Variants in CNTN4 observed in about 807,000 individuals in gnomAD.
CNTN4 encodes contactin 4, also known as contactin-4.
In CNTN4, 77 loss-of-function variants were observed where a neutral mutation model predicts 122.5. The ratio of observed to expected loss-of-function variants is 0.63; its 90% CI spans 0.52 to 0.76. The LOEUF (loss-of-function observed/expected upper bound fraction) is 0.76, where lower values mean the gene tolerates loss of function less well. CNTN4 is among the 30% of genes least tolerant of loss of function. The pLI is 0.00. For missense variants in CNTN4, 1,256 were observed against 1,259.1 expected, an observed-to-expected ratio of 1.00 and a Z score of 0.04; for synonymous variants, 512 against 447.0, an observed-to-expected ratio of 1.15 and a Z score of -1.83.
At chr3:2,813,284 T>A (rs1054932499) in intron 6 of CNTN4, among the ~76,000 whole-genome samples, 1 of 152,222 alleles carries the variant, frequency 6.6e-6, no homozygotes, top group South Asian at 2.1e-4. Context: ...GATGTTCATC[T>A]CCTTACTGAT....
chr3:2,666,665 A>G (rs909194085), intron 4 of CNTN4, among the ~76,000 whole-genome samples: 1 of 152,088 alleles, frequency 6.6e-6, no homozygotes, highest in Admixed American at 6.6e-5. Context: ...ACATATGTAT[A>G]CATGTGCCAT....
intron 6 of CNTN4, among the ~76,000 whole-genome samples, chr3:2,765,481 G>A (rs1486763601): frequency 1.3e-5 from 2 of 152,196 alleles, no homozygotes; most frequent in African/African-American, 4.8e-5. Context: ...TACCTGGTCT[G>A]TAGTAAAAAG....
intron 3 of CNTN4, among the ~76,000 whole-genome samples, chr3:2,535,490 G>A (rs1260997836): frequency 6.6e-6 from 1 of 152,116 alleles, no homozygotes; most frequent in East Asian, 1.9e-4. Context: ...GAGGTAGGTA[G>A]CTGTTGAGAT....
chr3:2,138,066 C>G (rs1186205782), intron 2 of CNTN4, among the ~76,000 whole-genome samples: 1 of 136,028 alleles, frequency 7.4e-6, no homozygotes, highest in Admixed American at 7.5e-5. Context: ...TCTTCTTCTT[C>G]TTTTTTTTTT....
At chr3:2,547,550 C>CTT (rs2149338086) in intron 3 of CNTN4, among the ~76,000 whole-genome samples, 1 of 152,140 alleles carries the variant, frequency 6.6e-6, no homozygotes, top group East Asian at 1.9e-4. Context: ...CAGGCGTGAG[C>CTT]CATCATGCCT....
intron 4 of CNTN4, among the ~76,000 whole-genome samples, chr3:2,734,648 CTTTT>C (rs71058638): frequency 7.2e-6 from 1 of 139,520 alleles, no homozygotes; most frequent in African/African-American, 2.6e-5. Context: ...GCATGAAGTG[CTTTT>C]TTTTTTTTTT....
At chr3:2,582,720 G>A (rs552366907) in intron 4 of CNTN4, among the ~76,000 whole-genome samples, 34 of 152,250 alleles carry the variant, frequency 2.2e-4, no homozygotes, top group Non-Finnish European at 4.6e-4. Flanking sequence ...ATGCAGGATA[G>A]GCAGTCACTT....
At chr3:2,183,778 T>G (rs926873650) in intron 2 of CNTN4, among the ~76,000 whole-genome samples, 4 of 152,126 alleles carry the variant, frequency 2.6e-5, no homozygotes, top group Admixed American at 2.6e-4. Context: ...TATTTGAGAA[T>G]GATAGTCACA....
At chr3:2,699,479 G>A (rs1320230438) in intron 4 of CNTN4, among the ~76,000 whole-genome samples, 1 of 152,206 alleles carries the variant, frequency 6.6e-6, no homozygotes, top group Non-Finnish European at 1.5e-5. Context: ...TAAAAGTCAG[G>A]TGTAAATTGA....
At chr3:2,214,799 G>A (rs577089150) in intron 2 of CNTN4, among the ~76,000 whole-genome samples, 2 of 152,244 alleles carry the variant, frequency 1.3e-5, no homozygotes, top group Admixed American at 6.5e-5. Context: ...AAATCTCAGT[G>A]AGTATACTCT....
rs1378582270 is a variant in CNTN4 at position 2,736,339 on chromosome 3, C to A, written c.180C>A (p.Ile60=). The A allele has an allele frequency of 6.2e-7, 1 of 1,613,272 alleles. No individual in the cohort carries two copies. Among genetic ancestry groups the A allele is most frequent in the South Asian group, 1.1e-5 (1 of 91,058 alleles). ...TTAAAGGAAATCCAAAACCTCATAT[C>A]AGGTTTGTTGATGTAAAAGCATGTG... is the stretch of plus-strand genomic sequence containing the variant. The part of the protein sequence containing the change: ...CEVKGNPKPH[I]RWKLNGTDVD... The change falls in exon 5 of 25, where the codon ATC becomes ATA. Residue 60 remains isoleucine, a splice_region_variant and synonymous_variant. Coordinates refer to ENST00000418658, the MANE Select transcript of CNTN4 (RefSeq NM_175607.3).
At chr3:3,040,009 T>C (rs758741516) in intron 19 of CNTN4, 28 bp from the exon 20 acceptor site, 1 of 1,505,538 alleles carries the variant, frequency 6.6e-7, no homozygotes, top group Non-Finnish European at 9.3e-7. Flanking sequence ...TACTGTGATT[T>C]CTGAAGACCA....
chr3:2,405,802 C>T (rs2047015761), intron 3 of CNTN4, among the ~76,000 whole-genome samples: 2 of 152,042 alleles, frequency 1.3e-5, no homozygotes, highest in Non-Finnish European at 2.9e-5. Context: ...GTGGGTGAAT[C>T]ACTCGAGCTT....
At chr3:2,498,741 C>T (rs1038363262) in intron 3 of CNTN4, among the ~76,000 whole-genome samples, 1 of 152,038 alleles carries the variant, frequency 6.6e-6, no homozygotes, top group Non-Finnish European at 1.5e-5. Flanking sequence ...CTTGGCCTCC[C>T]AAAGGGCTGG....
chr3:2,295,067 C>T (rs1303074541), intron 2 of CNTN4, among the ~76,000 whole-genome samples: 1 of 151,640 alleles, frequency 6.6e-6, no homozygotes, highest in Admixed American at 6.6e-5. Context: ...TTTCTTAATC[C>T]AGTCTATCAT....
At chr3:2,674,139 G>A (rs2084698055) in intron 4 of CNTN4, among the ~76,000 whole-genome samples, 2 of 152,180 alleles carry the variant, frequency 1.3e-5, no homozygotes, top group Middle Eastern at 3.2e-3. Flanking sequence ...TTTTGGAGTA[G>A]TTTGTGAAAG....
At chr3:2,686,616 T>TAG (rs1210379841) in intron 4 of CNTN4, among the ~76,000 whole-genome samples, 1 of 152,190 alleles carries the variant, frequency 6.6e-6, no homozygotes, top group Non-Finnish European at 1.5e-5. Context: ...CTAATGAACA[T>TAG]ATTCATCACC....
Position 2,101,676 on chromosome 3 carries a change from CAGA to C in CNTN4, c.-145+1042_-145+1044del, listed in dbSNP as rs1056152923. Among the ~76,000 whole-genome samples, 95 of 152,094 alleles carry C rather than the reference CAGA, an allele frequency of 6.2e-4. 3 individuals carry two copies. The highest frequency in any genetic ancestry group is 2.0e-3 in the African/African-American group (83 of 41,488). ...CTTCATTATTATTATTATTTACTATCAGAAGAAATCTGACAACATATCAATAAA... is the reference window on the plus strand; with the variant it reads ...CTTCATTATTATTATTATTTACTATCAGAAATCTGACAACATATCAATAAA... On this transcript the variant is annotated intron_variant, in intron 2 of 24. Coordinates refer to ENST00000418658, the MANE Select transcript of CNTN4 (RefSeq NM_175607.3).
At chr3:2,953,179 G>T (rs2094763565) in intron 13 of CNTN4, among the ~76,000 whole-genome samples, 1 of 152,134 alleles carries the variant, frequency 6.6e-6, no homozygotes, top group African/African-American at 2.4e-5. Context: ...TCTTGCCCTT[G>T]TCTCAAACAT....
Sources: allele counts gnomAD v4.1 joint callset (sites outside exome capture counted in the v4.1 genomes callset), GRCh38; gene constraint gnomAD v4.1.1; transcripts MANE v1.5; gene names NCBI Gene and HGNC (gene_info 2026-07-23, HGNC 2026-07-21).